Variants in HDAC4 observed in about 807,000 individuals in gnomAD.
HDAC4 encodes the protein histone deacetylase 4, also known as histone deacetylase A.
In HDAC4, 16 loss-of-function variants were observed where a neutral mutation model predicts 135.1. The ratio of observed to expected loss-of-function variants is 0.12; its 90% CI spans 0.08 to 0.18. The LOEUF (loss-of-function observed/expected upper bound fraction) is 0.18. Among genes scored for constraint, HDAC4 ranks in the 10% least tolerant of loss-of-function variants. The probability of loss-of-function intolerance (pLI) is 1.00; values close to 1 mark genes in which losing one functional copy is unlikely to be tolerated. For missense variants in HDAC4, 1,143 were observed against 1,511.8 expected (o/e 0.76, Z 4.05); for synonymous variants, 685 against 653.4 (o/e 1.05, Z -0.74).
chr2:239,108,016 G>A (rs372839340), intron 15 of HDAC4, 34 bp downstream of exon 15: 221 of 1,609,762 alleles, frequency 1.4e-4, no homozygotes, highest in Admixed American at 2.0e-4. Flanking sequence ...GGTGCCCAAA[G>A]CCGCAGCTGC....
At chr2:239,110,991 C>A (rs558097192) in intron 14 of HDAC4, among the ~76,000 whole-genome samples, 97 of 152,360 alleles carry the variant, frequency 6.4e-4, no homozygotes, top group African/African-American at 2.2e-3. Context: ...TGGCAGATCG[C>A]CTCCCCGGGG....
At chr2:239,089,764 G>T in intron 18 of HDAC4, 15 of 474,726 alleles carry the variant, frequency 3.2e-5, no homozygotes, top group Non-Finnish European at 3.4e-5. Flanking sequence ...ATTTTTAAGA[G>T]TATAAAGGGT....
chr2:239,252,955 G>A (rs891613420), intron 2 of HDAC4, among the ~76,000 whole-genome samples: 3 of 152,210 alleles, frequency 2.0e-5, no homozygotes, highest in Admixed American at 6.5e-5. Flanking sequence ...GTTTTGCAAC[G>A]GAGAGCCCGC....
chr2:239,227,234 G>A (rs766437658), intron 3 of HDAC4, among the ~76,000 whole-genome samples: 27 of 152,310 alleles, frequency 1.8e-4, no homozygotes, highest in Non-Finnish European at 2.6e-4. Context: ...CTTACCCCAC[G>A]TGGCTGGCAG....
intron 22 of HDAC4, among the ~76,000 whole-genome samples, chr2:239,072,037 G>A (rs1411654606): frequency 6.6e-6 from 1 of 152,138 alleles, no homozygotes; most frequent in East Asian, 1.9e-4. Flanking sequence ...TTTGTAAACT[G>A]CTGATTTCTT....
intron 22 of HDAC4, among the ~76,000 whole-genome samples, chr2:239,080,733 C>A (rs918923209): frequency 6.6e-6 from 1 of 152,132 alleles, no homozygotes; most frequent in African/African-American, 2.4e-5. Context: ...AGGAGGTTTG[C>A]GGAAGAAGAA....
intron 6 of HDAC4, among the ~76,000 whole-genome samples, chr2:239,157,837 T>C (rs181369536): frequency 6.6e-6 from 1 of 152,294 alleles, no homozygotes; most frequent in African/African-American, 2.4e-5. Context: ...AAGAATGTGC[T>C]GAAGGGAACT....
At chr2:239,112,822 G>C (rs2038794985) in intron 13 of HDAC4, among the ~76,000 whole-genome samples, 1 of 152,192 alleles carries the variant, frequency 6.6e-6, no homozygotes, top group African/African-American at 2.4e-5. Flanking sequence ...TGTGAACATG[G>C]AAAACCAGGT....
At chr2:239,226,925 G>A (rs559651110) in intron 3 of HDAC4, among the ~76,000 whole-genome samples, 46 of 152,310 alleles carry the variant, frequency 3.0e-4, no homozygotes, top group African/African-American at 1.0e-3. Flanking sequence ...ACACAATCAC[G>A]TTGTCAGGAT....
At chr2:239,391,005 A>G (rs1257144441) in intron 1 of HDAC4, among the ~76,000 whole-genome samples, 2 of 152,246 alleles carry the variant, frequency 1.3e-5, no homozygotes, top group Non-Finnish European at 2.9e-5. Context: ...GGGAAGCATG[A>G]CAGACGGCAA....
chr2:239,061,129 T>A (rs1309947467), intron 24 of HDAC4, among the ~76,000 whole-genome samples: 3 of 149,370 alleles, frequency 2.0e-5, no homozygotes, highest in Non-Finnish European at 4.5e-5. Context: ...GGGGGGAGTG[T>A]GACTGAGTGT....
At chr2:239,111,762 T>TA in intron 13 of HDAC4, 50 bp from the exon 14 acceptor site, 1 of 1,508,964 alleles carries the variant, frequency 6.6e-7, no homozygotes, top group Non-Finnish European at 9.0e-7. Context: ...CTCCCGCCCC[T>TA]GGGCTGCAGG....
chr2:239,116,056 G>C (rs552249865), intron 12 of HDAC4, among the ~76,000 whole-genome samples: 126 of 152,248 alleles, frequency 8.3e-4, no homozygotes, highest in African/African-American at 2.7e-3. Flanking sequence ...TGGATCTCAC[G>C]GACGCTTCTC....
chr2:239,231,183 C>T (rs113331789), intron 3 of HDAC4, among the ~76,000 whole-genome samples: 17 of 152,336 alleles, frequency 1.1e-4, no homozygotes, highest in African/African-American at 3.6e-4. Context: ...GACAGATACA[C>T]GTTTCCCAGG....
At chr2:239,132,284 A>G (rs960602625) in intron 11 of HDAC4, among the ~76,000 whole-genome samples, 1 of 152,228 alleles carries the variant, frequency 6.6e-6, no homozygotes, top group Non-Finnish European at 1.5e-5. Flanking sequence ...TCCCAGGGTC[A>G]TGGAGCAGGA....
At chr2:239,056,682 T>A (rs1222561301) in intron 24 of HDAC4, among the ~76,000 whole-genome samples, 2 of 152,232 alleles carry the variant, frequency 1.3e-5, no homozygotes, top group African/African-American at 4.8e-5. Flanking sequence ...TTAAGGCCTC[T>A]CCAACTCTGT....
intron 4 of HDAC4, among the ~76,000 whole-genome samples, chr2:239,181,467 C>T (rs1205251530): frequency 6.6e-6 from 1 of 152,250 alleles, no homozygotes; most frequent in Non-Finnish European, 1.5e-5. Context: ...GCAGGGAGGG[C>T]CGTCAGGGCT....
Position 239,137,432 on chromosome 2 carries a change from C to T in HDAC4, c.978+2252G>A, listed in dbSNP as rs995844157. The stretch of plus-strand genomic sequence containing the variant: ...TGCCTCCTCCCTGTAGAGGAGGTGC[C>T]GGCACACTGGGCTTCCCTGGCCTGT... On this transcript the variant is annotated intron_variant, in intron 9 of 26. Transcript: ENST00000543185. Among the ~76,000 whole-genome samples the T allele has an allele frequency of 1.1e-4, 16 of 152,250 alleles. No homozygotes were observed. The East Asian group carries it at 1.9e-3, about 18-fold the overall frequency.
At chr2:239,168,234 A>C (rs990538442) in intron 5 of HDAC4, among the ~76,000 whole-genome samples, 3 of 152,204 alleles carry the variant, frequency 2.0e-5, no homozygotes, top group African/African-American at 7.2e-5. Context: ...CATTCCCTGC[A>C]GGGCTGCGCG....
Sources: gnomAD v4.1 joint callset for allele counts (sites outside exome capture counted in the v4.1 genomes callset) on GRCh38, gnomAD v4.1.1 for gene constraint, MANE v1.5 for transcripts, NCBI Gene and HGNC (gene_info 2026-07-23, HGNC 2026-07-21) for gene names.